The following AGBL1 variants were observed in gnomAD, a reference collection of about 807,000 sequenced individuals.
The protein encoded by AGBL1 is cytosolic carboxypeptidase 4.
A neutral mutation model predicts 118.9 loss-of-function variants in AGBL1; 130 were observed. That is an observed-to-expected ratio of 1.09 (90% confidence interval 0.95 to 1.26). AGBL1 has a LOEUF of 1.26. Among genes scored for constraint, AGBL1 ranks in the 50% most tolerant of loss-of-function variants. AGBL1 has a pLI of 0.00. For synonymous variants in AGBL1, 555 were observed against 478.9 expected, an observed-to-expected ratio of 1.16 and a Z score of -2.08; for missense variants, 1,584 against 1,298.1, an observed-to-expected ratio of 1.22 and a Z score of -3.38.
chr15:86,118,381 A>G (rs576967373), intron 1 of AGBL1, among the ~76,000 whole-genome samples: 1 of 152,250 alleles, frequency 6.6e-6, no homozygotes, highest in African/African-American at 2.4e-5. Flanking sequence ...GTTTATGCTC[A>G]CAAAATGCTG....
intron 7 of AGBL1, among the ~76,000 whole-genome samples, chr15:86,256,309 G>A (rs62013831): frequency 0.028 from 4,284 of 152,314 alleles, 72 homozygotes; most frequent in Middle Eastern, 0.045. Flanking sequence ...GCTTTGAGAA[G>A]AGGCATGTAA....
chr15:86,939,933 C>G (rs2080728061), intron 23 of AGBL1, among the ~76,000 whole-genome samples: 1 of 151,540 alleles, frequency 6.6e-6, no homozygotes, highest in African/African-American at 2.4e-5. Context: ...TTACACTGGC[C>G]CAGGTGGAAC....
chr15:86,112,941 T>C (rs1213089489), intron 1 of AGBL1, among the ~76,000 whole-genome samples: 3 of 152,246 alleles, frequency 2.0e-5, no homozygotes, highest in African/African-American at 7.2e-5. Context: ...AGTTTTACTT[T>C]AGGAAAATTC....
intron 19 of AGBL1, among the ~76,000 whole-genome samples, chr15:86,542,380 T>C (rs1296982388): frequency 1.1e-5 from 1 of 89,636 alleles, no homozygotes; most frequent in East Asian, 5.3e-4. Flanking sequence ...TTTTTTTTTT[T>C]TTTGAGACAG....
intron 21 of AGBL1, among the ~76,000 whole-genome samples, chr15:86,623,981 TA>T (rs1193389474): frequency 6.6e-6 from 1 of 152,064 alleles, no homozygotes; most frequent in Non-Finnish European, 1.5e-5. Context: ...TCTCAAAGAA[TA>T]AAAGCAAGCA....
chr15:86,493,542 C>T (rs1277027854), intron 18 of AGBL1, among the ~76,000 whole-genome samples: 2 of 152,008 alleles, frequency 1.3e-5, no homozygotes, highest in East Asian at 3.9e-4. Context: ...TCTCTTGGCC[C>T]ATTGAGAGCC....
At chr15:86,280,570 A>G (rs1009672132) in intron 16 of AGBL1, among the ~76,000 whole-genome samples, 1 of 152,358 alleles carries the variant, frequency 6.6e-6, no homozygotes. Context: ...TATCTTCTAT[A>G]AAGCACTTTC....
At chr15:86,442,936 C>T (rs2142057119) in intron 18 of AGBL1, among the ~76,000 whole-genome samples, 1 of 152,320 alleles carries the variant, frequency 6.6e-6, no homozygotes, top group South Asian at 2.1e-4. Flanking sequence ...ACCCCCTGCT[C>T]CTGCCCGCAA....
At chr15:86,848,759 G>A (rs1007814830) in intron 22 of AGBL1, among the ~76,000 whole-genome samples, 5 of 152,020 alleles carry the variant, frequency 3.3e-5, no homozygotes, top group Non-Finnish European at 5.9e-5. Flanking sequence ...AAATTTCCAT[G>A]GAAGAAATTT....
intron 23 of AGBL1, among the ~76,000 whole-genome samples, chr15:86,978,284 A>G (rs2081194980): frequency 6.6e-6 from 1 of 152,194 alleles, no homozygotes; most frequent in Non-Finnish European, 1.5e-5. Flanking sequence ...TCTTCTTCCT[A>G]GGTTAGGGGA....
chr15:87,019,909 A>G (rs1273350315), intron 24 of AGBL1, among the ~76,000 whole-genome samples: 3 of 151,816 alleles, frequency 2.0e-5, no homozygotes, highest in Non-Finnish European at 4.4e-5. Context: ...TCAAAGAAAC[A>G]AGTCAGAAAT....
intron 5 of AGBL1, among the ~76,000 whole-genome samples, chr15:86,222,550 C>A (rs1417937363): frequency 3.9e-5 from 6 of 152,232 alleles, no homozygotes; most frequent in Non-Finnish European, 7.4e-5. Context: ...CAAATGGCTT[C>A]TCATTACCTA....
chr15:86,759,197 T>G (rs1041046779), intron 22 of AGBL1, among the ~76,000 whole-genome samples: 6 of 152,030 alleles, frequency 3.9e-5, no homozygotes, highest in African/African-American at 1.2e-4. Flanking sequence ...TGGGATTAAT[T>G]TATGCTTTTT....
intron 22 of AGBL1, among the ~76,000 whole-genome samples, chr15:86,860,272 A>G (rs562677196): frequency 6.6e-6 from 1 of 152,124 alleles, no homozygotes; most frequent in Non-Finnish European, 1.5e-5. Flanking sequence ...TTTAGTGCCC[A>G]GCACATGGTG....
Position 86,652,433 on chromosome 15 carries a change from C to T in AGBL1, c.2995-21840C>T, listed in dbSNP as rs144908946. Among the ~76,000 whole-genome samples, 171 of 152,018 alleles carry T rather than the reference C, an allele frequency of 1.1e-3. 1 individual carries two copies. In the East Asian group the frequency reaches 0.023, roughly 21 times the overall value. On this transcript the variant is annotated intron_variant, in intron 21 of 22. Transcript: ENST00000614907. ...AGGCCAGAATAGAAAGACTGGCTAC[C>T]GGAGGTTTTTATACTTCCTGATTTA... is the stretch of plus-strand genomic sequence containing the variant.
chr15:86,998,867 A>T (rs1165708822), intron 24 of AGBL1, among the ~76,000 whole-genome samples: 3 of 151,196 alleles, frequency 2.0e-5, no homozygotes, highest in African/African-American at 7.3e-5. Context: ...ATATATATAT[A>T]TATTTTTTAT....
chr15:86,463,567 T>C (rs1410860456), intron 18 of AGBL1, among the ~76,000 whole-genome samples: 1 of 152,138 alleles, frequency 6.6e-6, no homozygotes, highest in Non-Finnish European at 1.5e-5. Flanking sequence ...GTTTTTATGG[T>C]TTTAGGTCTT....
At chr15:86,089,185 A>C (rs1895863065) in intron 1 of AGBL1, among the ~76,000 whole-genome samples, 1 of 152,222 alleles carries the variant, frequency 6.6e-6, no homozygotes, top group African/African-American at 2.4e-5. Context: ...GCCATGTTAT[A>C]TCTCTGCTTG....
chr15:86,779,167 G>C (rs535463654), intron 22 of AGBL1, among the ~76,000 whole-genome samples: 1 of 152,076 alleles, frequency 6.6e-6, no homozygotes, highest in African/African-American at 2.4e-5. Flanking sequence ...TCATTGACTA[G>C]TTTGTCCTCT....
Sources: allele counts gnomAD v4.1 joint callset (sites outside exome capture counted in the v4.1 genomes callset), GRCh38; gene constraint gnomAD v4.1.1; transcripts MANE v1.5; gene names NCBI Gene and HGNC (gene_info 2026-07-23, HGNC 2026-07-21).